The following REST variants were observed in gnomAD, a reference collection of about 807,000 sequenced individuals.
REST encodes RE1-silencing transcription factor.
In REST, 1 loss-of-function variant was observed where a neutral mutation model predicts 30.4. That is an observed-to-expected ratio of 0.03 (90% confidence interval 0.01 to 0.16). The LOEUF (loss-of-function observed/expected upper bound fraction) is 0.16, where lower values mean the gene tolerates loss of function less well. Among genes scored for constraint, REST ranks in the 10% least tolerant of loss-of-function variants. The pLI is 1.00. For synonymous variants in REST, 504 were observed against 451.1 expected (o/e 1.12, Z -1.49); for missense variants, 1,259 against 1,329.5 (o/e 0.95, Z 0.82).
chr4:56,924,995 A>G (rs1338493538), intron 3 of REST, among the ~76,000 whole-genome samples: 1 of 151,962 alleles, frequency 6.6e-6, no homozygotes, highest in Non-Finnish European at 1.5e-5. Context: ...GTGGTACCCC[A>G]TCTCTGCTAA....
chr4:56,929,911 A>G lies in REST; in HGVS notation c.1053A>G (p.Ala351=). Residue 351 remains alanine, a synonymous_variant, in exon 4 of 4, where the codon GCA becomes GCG. Transcript: ENST00000309042. ...ASNQHEVTRH[A]RQVHNGPKPL... ...ATCAACATGAAGTAACCCGCCATGC[A>G]AGACAGGTTCACAATGGGCCTAAAC... The G allele has an allele frequency of 6.2e-7, 1 of 1,614,206 alleles. No individual in the cohort carries two copies. The highest frequency in any genetic ancestry group is 8.5e-7 in the Non-Finnish European group (1 of 1,180,038).
chr4:56,914,167 T>C (rs1720065996), intron 2 of REST, among the ~76,000 whole-genome samples: 1 of 150,824 alleles, frequency 6.6e-6, no homozygotes, highest in African/African-American at 2.4e-5. Context: ...TGAGCTCAAG[T>C]AATCTGCCCT....
At chr4:56,921,416 T>A (rs2109550249) in intron 3 of REST, among the ~76,000 whole-genome samples, 1 of 152,306 alleles carries the variant, frequency 6.6e-6, no homozygotes, top group South Asian at 2.1e-4. Flanking sequence ...TATTATTATT[T>A]TTTTTCTGTT....
intron 3 of REST, among the ~76,000 whole-genome samples, chr4:56,924,534 A>AG (rs527520155): frequency 2.4e-4 from 36 of 152,062 alleles, no homozygotes; most frequent in African/African-American, 8.4e-4. Flanking sequence ...GTGCAGTTAC[A>AG]GCTGTCTAAA....
chr4:56,924,039 A>G (rs13108245), intron 3 of REST, among the ~76,000 whole-genome samples: 53,107 of 151,568 alleles, frequency 0.35, 9,619 homozygotes, highest in Middle Eastern at 0.49. Context: ...ATTTCTTTCT[A>G]TGGAGACTGG....
At position 56,931,796 on chromosome 4, in the gene REST, G is replaced by A. The variant is rs140574038; in HGVS notation, c.2938G>A (p.Glu980Lys). The A allele has an allele frequency of 6.2e-7, 1 of 1,614,208 alleles. No individual in the cohort carries two copies. The highest frequency in any genetic ancestry group is 2.2e-5 in the East Asian group (1 of 44,886). The change falls in exon 4 of 4, where the codon GAA becomes AAA. Residue 980 changes from glutamate (E) to lysine (K), a missense_variant. Glu to Lys is a moderately conservative substitution (Grantham distance 56). Transcript: ENST00000309042. ...ACCAATGCTTCCCCCTTCAGCAGTAGAAGAACGTGAAGCAGTGTCCAAAAC... is the reference window on the plus strand; with the variant it reads ...ACCAATGCTTCCCCCTTCAGCAGTAAAAGAACGTGAAGCAGTGTCCAAAAC... ...VSPMLPPSAV[E>K]EREAVSKTAL...
chr4:56,917,666 C>G (rs1720262487), intron 2 of REST, among the ~76,000 whole-genome samples: 1 of 152,182 alleles, frequency 6.6e-6, no homozygotes, highest in African/African-American at 2.4e-5. Context: ...GTTACTTTTA[C>G]AGATGGGGAA....
At chr4:56,908,900 T>TG (rs1719755784) in intron 1 of REST, 1 of 151,174 alleles carries the variant, frequency 6.6e-6, no homozygotes, top group South Asian at 2.1e-4. Flanking sequence ...CTGGCCCGTG[T>TG]GGGGGCCCCC....
At chr4:56,909,113 G>A (rs544765029) in intron 1 of REST, 1 of 152,334 alleles carries the variant, frequency 6.6e-6, no homozygotes, top group Non-Finnish European at 1.5e-5. Context: ...GGGAGGACTG[G>A]TTCCGGCCAA....
rs780520222 is a variant in REST at position 56,929,874 on chromosome 4, A to T, written c.1016A>T (p.Tyr339Phe). Residue 339 changes from tyrosine (Y) to phenylalanine (F), a missense_variant, in exon 4 of 4, where the codon TAT becomes TTT. Tyr to Phe is a conservative substitution (Grantham distance 22). Around this residue, in one of 5 missense-constraint regions of REST, gnomAD observed 125 missense variants for 255.4 expected, o/e 0.49. Transcript: ENST00000309042. The part of the protein sequence containing the change: ...EKPFKCDQCS[Y>F]VASNQHEVTR... ...CCATTTAAATGTGATCAGTGCAGTTATGTGGCCTCTAATCAACATGAAGTA... is the reference window on the plus strand; with the variant it reads ...CCATTTAAATGTGATCAGTGCAGTTTTGTGGCCTCTAATCAACATGAAGTA... The T allele has an allele frequency of 1.2e-6, 2 of 1,614,082 alleles. No homozygotes were observed. Among genetic ancestry groups the T allele is most frequent in the Admixed American group, 3.3e-5 (2 of 59,988 alleles).
Position 56,911,442 on chromosome 4 carries a change from A to G in REST, c.804A>G (p.Arg268=). 4 of 1,614,210 alleles carry G rather than the reference A, an allele frequency of 2.5e-6. No homozygotes were observed. Among genetic ancestry groups the G allele is most frequent in the Non-Finnish European group, 3.4e-6 (4 of 1,180,034 alleles). ...VSEYHWRKHL[R]NHFPRKVYTC... ...AGTATCACTGGAGGAAACATTTAAG[A>G]AACCATTTTCCAAGGAAAGTATACA... Residue 268 remains arginine (R), a synonymous_variant, in exon 2 of 4, where the codon AGA becomes AGG. Transcript: ENST00000309042.
At chr4:56,919,637 T>A in intron 2 of REST, 150 bp from the exon 3 acceptor site, 1 of 466,622 alleles carries the variant, frequency 2.1e-6, no homozygotes, top group Non-Finnish European at 3.9e-6. Context: ...ACATTTTAAG[T>A]ACATGATAAA....
chr4:56,908,719 G>C (rs1719740749), intron 1 of REST, among the ~76,000 whole-genome samples: 1 of 151,942 alleles, frequency 6.6e-6, no homozygotes, highest in Non-Finnish European at 1.5e-5. Flanking sequence ...CCGGGGCCCG[G>C]GCGGTTCCGC....
intron 3 of REST, among the ~76,000 whole-genome samples, chr4:56,928,331 C>T (rs779777783): frequency 1.3e-5 from 2 of 152,168 alleles, no homozygotes; most frequent in African/African-American, 4.8e-5. Context: ...TGGTCTTGAA[C>T]TCCTGACCTC....
Position 56,910,727 on chromosome 4 carries a change from T to C in REST, c.89T>C (p.Met30Thr). The change falls in exon 2 of 4, where the codon ATG (methionine) becomes ACG (threonine). Residue 30 changes from methionine to threonine, a missense_variant. Physicochemically the swap from Met to Thr is moderately conservative, Grantham distance 81. Around this residue, in one of 5 missense-constraint regions of REST, gnomAD observed 249 missense variants for 251.5 expected, o/e 0.99. Transcript: ENST00000309042. The stretch of plus-strand genomic sequence containing the variant: ...ATTGGAATGGCCCTGCCTAACGACA[T>C]GTATGACTTGCATGACCTTTCCAAA... ...GNIGMALPND[M>T]YDLHDLSKAE... 1 of 1,614,202 alleles carries C rather than the reference T, an allele frequency of 6.2e-7. No individual in the cohort carries two copies. The highest frequency in any genetic ancestry group is 8.5e-7 in the Non-Finnish European group (1 of 1,180,038).
rs1401987985 is a variant in REST at position 56,911,069 on chromosome 4, C to T, written c.431C>T (p.Thr144Ile). ...YSSNKDLPPE[T>I]PGAEDKGKSS... ...TCAAATAAAGATCTTCCCCCTGAAA[C>T]ACCTGGAGCGGAGGACAAAGGCAAG... Residue 144 changes from threonine (T) to isoleucine (I), a missense_variant, in exon 2 of 4, where the codon ACA becomes ATA. Physicochemically the swap from Thr to Ile is moderately conservative, Grantham distance 89. Around this residue, in one of 5 missense-constraint regions of REST, gnomAD observed 249 missense variants for 251.5 expected, o/e 0.99. Coordinates refer to ENST00000309042, the MANE Select transcript of REST (RefSeq NM_005612.5). 1 of 1,614,136 alleles carries T rather than the reference C, an allele frequency of 6.2e-7. No individual in the cohort carries two copies. Among genetic ancestry groups the T allele is most frequent in the Non-Finnish European group, 8.5e-7 (1 of 1,180,018 alleles).
intron 3 of REST, among the ~76,000 whole-genome samples, chr4:56,923,810 C>T (rs1421545230): frequency 1.3e-5 from 2 of 152,018 alleles, no homozygotes; most frequent in Non-Finnish European, 2.9e-5. Flanking sequence ...CAACCTCCAC[C>T]TCCTAGGTTC....
rs749297149 is a variant in REST, at chr4:56,911,103, G to A, written c.465G>A (p.Lys155=). The A allele has an allele frequency of 6.8e-6, 11 of 1,614,190 alleles. No homozygotes were observed. The highest frequency in any genetic ancestry group is 1.1e-5 in the South Asian group (1 of 91,080). The change falls in exon 2 of 4, where the codon AAG becomes AAA. Residue 155 remains lysine (K), a synonymous_variant. Coordinates refer to ENST00000309042, the MANE Select transcript of REST (RefSeq NM_005612.5). ...CGGAGGACAAAGGCAAGAGCTCGAAGACCAAACCCTTTCGCTGTAAGCCAT... is the reference window on the plus strand; with the variant it reads ...CGGAGGACAAAGGCAAGAGCTCGAAAACCAAACCCTTTCGCTGTAAGCCAT... ...PGAEDKGKSS[K]TKPFRCKPCQ...
At chr4:56,920,326 C>G (rs1188294317) in intron 3 of REST, among the ~76,000 whole-genome samples, 1 of 150,692 alleles carries the variant, frequency 6.6e-6, no homozygotes, top group Non-Finnish European at 1.5e-5. Flanking sequence ...CTTTTGAGGA[C>G]TGACTGCAAA....
Sources: allele counts gnomAD v4.1 joint callset (sites outside exome capture counted in the v4.1 genomes callset), GRCh38; gene constraint gnomAD v4.1.1; regional missense constraint gnomAD v4.1.1; transcripts MANE v1.5; gene names NCBI Gene and HGNC (gene_info 2026-07-23, HGNC 2026-07-21).